Variants in MAP4 observed in about 807,000 individuals in gnomAD.
MAP4 encodes the protein microtubule associated protein 4.
A neutral mutation model predicts 170.2 loss-of-function variants in MAP4; 76 were observed. The ratio of observed to expected loss-of-function variants is 0.45; its 90% CI spans 0.37 to 0.54. MAP4 has a LOEUF of 0.54. Among genes scored for constraint, MAP4 ranks in the 20% least tolerant of loss-of-function variants. The pLI is 0.00. For synonymous variants in MAP4, 909 were observed against 994.5 expected (o/e 0.91, Z 1.62); for missense variants, 2,506 against 2,748.0 (o/e 0.91, Z 1.97).
chr3:48,009,218 C>T (rs941889468), intron 1 of MAP4, among the ~76,000 whole-genome samples: 5 of 152,068 alleles, frequency 3.3e-5, no homozygotes, highest in Admixed American at 6.6e-5. Context: ...CTCCTGCCTC[C>T]GCCTCCCAAG....
chr3:48,052,367 T>C (rs1470462388), intron 1 of MAP4, among the ~76,000 whole-genome samples: 1 of 152,134 alleles, frequency 6.6e-6, no homozygotes, highest in South Asian at 2.1e-4. Flanking sequence ...ATTATAGGCG[T>C]GCACTATCAC....
chr3:47,984,877 G>A (rs556008024), intron 2 of MAP4, among the ~76,000 whole-genome samples: 76 of 152,184 alleles, frequency 5.0e-4, no homozygotes, highest in African/African-American at 1.8e-3. Context: ...GCTGAGGCAG[G>A]AGAATCACTT....
In MAP4 at chr3:47,914,737, G is replaced by A. The variant is rs1047804628; in HGVS notation, c.1999+80C>T. The A allele has an allele frequency of 5.9e-6, 9 of 1,530,888 alleles. No individual in the cohort carries two copies. In the South Asian group the frequency reaches 1.0e-4, roughly 17 times the overall value. 94.8% of individuals were successfully genotyped at this position (1,530,888 alleles called of 1,614,324 possible). A position where few individuals can be genotyped will look rare whatever the true frequency, so the allele number is the denominator to read the frequency against. ...CTGCTGATTACCACCATACAACAGG[G>A]AACTAGAGACAATGTCTACCATCAC... On this transcript the variant is annotated intron_variant, in intron 8 of 20. Transcript: ENST00000683076.
rs756153345 is a variant in MAP4 at position 48,074,725 on chromosome 3, T to TGTGTGTGTGTGTGTGTGG, written c.-20+14047_-20+14048insCCACACACACACACACAC. Among the ~76,000 whole-genome samples the TGTGTGTGTGTGTGTGTGG allele has an allele frequency of 3.4e-5, 5 of 147,422 alleles. No individual in the cohort carries two copies. In the East Asian group the frequency reaches 8.1e-4, roughly 24 times the overall value. ...GTGTGTGTGTGTGTGTGTGTGTGTG[T>TGTGTGTGTGTGTGTGTGG]GATATGTCGGCCAGACTGGTCTCGA... is the stretch of plus-strand genomic sequence containing the variant. On this transcript the variant is annotated intron_variant, in intron 1 of 18. Coordinates refer to the MAP4 transcript ENST00000360240.
intron 2 of MAP4, among the ~76,000 whole-genome samples, chr3:47,993,103 T>C (rs1048935668): frequency 6.6e-6 from 1 of 152,162 alleles, no homozygotes; most frequent in African/African-American, 2.4e-5. Context: ...CACTGATGCT[T>C]TGTGTAAAGT....
intron 2 of MAP4, among the ~76,000 whole-genome samples, chr3:47,983,367 A>G (rs1363837774): frequency 1.3e-5 from 2 of 151,820 alleles, no homozygotes; most frequent in Non-Finnish European, 2.9e-5. Context: ...GCACCGCCAC[A>G]GTTGGCTTAT....
upstream of MAP4, among the ~76,000 whole-genome samples, chr3:48,018,868 A>T (rs1394075938): frequency 3.3e-5 from 5 of 152,232 alleles, no homozygotes; most frequent in African/African-American, 9.6e-5. Flanking sequence ...AGTTTGTACA[A>T]GAGCAAGCAT....
intron 10 of MAP4, among the ~76,000 whole-genome samples, chr3:47,894,464 TC>T (rs1471915477): frequency 1.4e-4 from 21 of 151,946 alleles, no homozygotes; most frequent in Admixed American, 9.8e-4. Context: ...GTGCCTGTAG[TC>T]CCAGCTACTC....
At chr3:47,947,906 A>C (rs994197961) in intron 3 of MAP4, among the ~76,000 whole-genome samples, 1 of 152,096 alleles carries the variant, frequency 6.6e-6, no homozygotes, top group Non-Finnish European at 1.5e-5. Context: ...TGACAACAAT[A>C]CTTGATGCAG....
At chr3:47,904,809 A>G (rs1231593435) in intron 9 of MAP4, among the ~76,000 whole-genome samples, 1 of 151,210 alleles carries the variant, frequency 6.6e-6, no homozygotes, top group Admixed American at 6.6e-5. Flanking sequence ...AGGTGGAATT[A>G]CAGGCATGCA....
chr3:47,896,758 T>C (rs1306613043), intron 10 of MAP4, among the ~76,000 whole-genome samples: 5 of 152,138 alleles, frequency 3.3e-5, no homozygotes, highest in African/African-American at 7.2e-5. Context: ...TAAATCGTAA[T>C]TGCAATCACT....
At chr3:47,914,190 C>T (rs375174983) in intron 8 of MAP4, among the ~76,000 whole-genome samples, 114 of 152,190 alleles carry the variant, frequency 7.5e-4, no homozygotes, top group African/African-American at 2.7e-3. Flanking sequence ...ATGTAACTTG[C>T]TTAAGACCAC....
chr3:48,013,276 A>AC (rs1358224844), intron 1 of MAP4, among the ~76,000 whole-genome samples: 1 of 151,940 alleles, frequency 6.6e-6, no homozygotes, highest in East Asian at 1.9e-4. Context: ...CAAAAAATGA[A>AC]CCCTTGTGAA....
chr3:47,992,279 C>CT (rs920266962), intron 2 of MAP4, among the ~76,000 whole-genome samples: 1 of 152,196 alleles, frequency 6.6e-6, no homozygotes, highest in African/African-American at 2.4e-5. Context: ...TTCTACAAGA[C>CT]TAAATAAGGC....
chr3:47,963,382 G>A (rs992609231), intron 3 of MAP4, among the ~76,000 whole-genome samples: 1 of 152,068 alleles, frequency 6.6e-6, no homozygotes, highest in African/African-American at 2.4e-5. Context: ...GTCACTTCAG[G>A]CAAACAACTA....
chr3:47,914,966 C>A, intron 7 of MAP4, 27 bp from the exon 8 acceptor site: 3 of 1,613,630 alleles, frequency 1.9e-6, no homozygotes, highest in Non-Finnish European at 2.5e-6. Context: ...AAGCCACACA[C>A]GTTTCAGAGA....
chr3:47,964,867 C>G (rs965824658), intron 3 of MAP4, among the ~76,000 whole-genome samples: 1 of 152,104 alleles, frequency 6.6e-6, no homozygotes, highest in Non-Finnish European at 1.5e-5. Context: ...TTTATTTCTA[C>G]GATTTTAACG....
intron 3 of MAP4, chr3:47,973,832 G>C: frequency 3.0e-6 from 3 of 985,368 alleles, no homozygotes; most frequent in Non-Finnish European, 3.6e-6. Context: ...GTACACCAAA[G>C]GGAAAGGGTT....
intron 3 of MAP4, among the ~76,000 whole-genome samples, chr3:47,969,181 G>C (rs920982069): frequency 6.6e-6 from 1 of 152,184 alleles, no homozygotes; most frequent in African/African-American, 2.4e-5. Context: ...GCGAACATGG[G>C]TGGATCACCT....
Sources: gnomAD v4.1 joint callset for allele counts (sites outside exome capture counted in the v4.1 genomes callset) on GRCh38, gnomAD v4.1.1 for gene constraint, MANE v1.5 for transcripts, NCBI Gene and HGNC (gene_info 2026-07-23, HGNC 2026-07-21) for gene names.